SPINK14: variants seen among roughly 807,000 people sequenced by gnomAD.
The protein encoded by SPINK14 is serine peptidase inhibitor Kazal type 14 (putative), also known as serine protease inhibitor Kazal-type 14.
A neutral mutation model predicts 14.2 loss-of-function variants in SPINK14; 6 were observed. The ratio of observed to expected loss-of-function variants is 0.42; its 90% CI spans 0.23 to 0.83. The LOEUF (loss-of-function observed/expected upper bound fraction) is 0.83. Ranked by LOEUF, SPINK14 falls within the 40% of genes least tolerant of loss-of-function variation. The probability of loss-of-function intolerance (pLI) is 0.28; values close to 1 mark genes in which losing one functional copy is unlikely to be tolerated. For synonymous variants in SPINK14, 34 were observed against 36.8 expected (o/e 0.92, Z 0.27); for missense variants, 86 against 108.3 (o/e 0.79, Z 0.91).
In SPINK14 at chr5:148,174,041, G is replaced by A. The variant is rs1314783566; in HGVS notation, c.112-193G>A. On this transcript the variant is annotated intron_variant, in intron 3 of 4. Transcript: ENST00000356972. Reference sequence around the variant, plus strand: ...AAAAAAACTGGAGAGACAGGGTATCGCTCTGTTGCCTAGGCTGATCTTGAA... The same window carrying A: ...AAAAAAACTGGAGAGACAGGGTATCACTCTGTTGCCTAGGCTGATCTTGAA... 3.4e-5 allele frequency among the ~76,000 whole-genome samples: 3 copies of A among 89,456 alleles called. 1 individual carries two copies. The highest frequency in any genetic ancestry group is 7.0e-5 in the Non-Finnish European group (3 of 42,988). The allele number at this position is 89,456 out of a possible 152,430, so 58.7% of individuals were successfully genotyped here.
intron 2 of SPINK14, 67 bp from the exon 3 acceptor site, chr5:148,170,863 C>A (rs1755095379): frequency 1.4e-6 from 2 of 1,407,500 alleles, no homozygotes; most frequent in Non-Finnish European, 2.0e-6. Flanking sequence ...CTCGTTTATT[C>A]TGCCAACAGA....
Position 148,169,691 on chromosome 5 carries a change from A to G in SPINK14, c.-42A>G. The stretch of plus-strand genomic sequence containing the variant: ...GTATTAGAGGGCAACAACCTGAGAC[A>G]ATATTTCAGAGCATCATTCCAAGGA... On this transcript the variant is annotated 5_prime_UTR_variant, in exon 2 of 5. Transcript: ENST00000356972. 1.3e-6 allele frequency: 2 copies of G among 1,533,314 alleles called. No homozygotes were observed. Among genetic ancestry groups the G allele is most frequent in the South Asian group, 1.1e-5 (1 of 87,980 alleles). 95.0% of individuals were successfully genotyped at this position (1,533,314 alleles called of 1,614,324 possible).
In SPINK14 at chr5:148,175,460, C is replaced by A; in HGVS notation, c.*62C>A. 2 of 1,232,676 alleles carry A rather than the reference C, an allele frequency of 1.6e-6. No homozygotes were observed. Among genetic ancestry groups the A allele is most frequent in the Non-Finnish European group, 2.4e-6 (2 of 844,918 alleles). 76.4% of individuals were successfully genotyped at this position (1,232,676 alleles called of 1,614,324 possible). On this transcript the variant is annotated 3_prime_UTR_variant, in exon 5 of 5. Transcript: ENST00000356972. ...TTTTTCCTCCATGTCTCCAATCTCC[C>A]TCTTGCGCTTTTTACATCTCCTTGC...
chr5:148,172,206 G>C (rs1755114324), intron 3 of SPINK14, among the ~76,000 whole-genome samples: 1 of 152,118 alleles, frequency 6.6e-6, no homozygotes, highest in Non-Finnish European at 1.5e-5. Context: ...GATATCTAAG[G>C]TGAGACTTGA....
intron 3 of SPINK14, among the ~76,000 whole-genome samples, chr5:148,172,158 A>T (rs1755113724): frequency 6.6e-6 from 1 of 152,130 alleles, no homozygotes; most frequent in African/African-American, 2.4e-5. Context: ...GATAACTACT[A>T]TAAACAATGG....
intron 3 of SPINK14, among the ~76,000 whole-genome samples, chr5:148,172,386 AAG>A (rs370620148): frequency 5.9e-5 from 9 of 151,504 alleles, no homozygotes; most frequent in African/African-American, 9.7e-5. Flanking sequence ...ACTTCCTCCA[AAG>A]AGAGAGAGAG....
Position 148,174,229 on chromosome 5 carries a change from T to G in SPINK14, c.112-5T>G, listed in dbSNP as rs1267041012. ...ACTGGATAAATCTTTTCAACTCAAT[T>G]TCAGGTGAAATGTCCATATGAGAAA... is the stretch of plus-strand genomic sequence containing the variant. On this transcript the variant is annotated splice_region_variant and splice_polypyrimidine_tract_variant and intron_variant, in intron 3 of 4. Coordinates refer to ENST00000356972, the MANE Select transcript of SPINK14 (RefSeq NM_001001325.2). 2 of 1,111,734 alleles carry G rather than the reference T, an allele frequency of 1.8e-6. 1 individual carries two copies. Among genetic ancestry groups the G allele is most frequent in the African/African-American group, 4.5e-5 (2 of 44,530 alleles). 68.9% of individuals were successfully genotyped at this position (1,111,734 alleles called of 1,614,324 possible).
chr5:148,175,070 A>T lies in SPINK14; in HGVS notation c.249-283A>T, dbSNP rs1755150281. On this transcript the variant is annotated intron_variant, in intron 4 of 4. Coordinates refer to ENST00000356972, the MANE Select transcript of SPINK14 (RefSeq NM_001001325.2). ...GTATTAACAGAATAGTTGAGGATTGACATGCCTCACACATCACAAACTCGG... is the reference window on the plus strand; with the variant it reads ...GTATTAACAGAATAGTTGAGGATTGTCATGCCTCACACATCACAAACTCGG... 6.1e-5 allele frequency among the ~76,000 whole-genome samples: 2 copies of T among 32,582 alleles called. 1 individual carries two copies. The highest frequency in any genetic ancestry group is 1.4e-4 in the Non-Finnish European group (2 of 14,492). 21.4% of individuals were successfully genotyped at this position (32,582 alleles called of 152,430 possible).
intron 2 of SPINK14, among the ~76,000 whole-genome samples, chr5:148,170,306 C>T (rs1443781324): frequency 6.6e-6 from 1 of 151,510 alleles, no homozygotes; most frequent in African/African-American, 2.4e-5. Context: ...CTCATGAGGG[C>T]AAGGAGGCTT....
intron 3 of SPINK14, among the ~76,000 whole-genome samples, chr5:148,172,086 T>C (rs1046082687): frequency 1.3e-5 from 2 of 152,170 alleles, no homozygotes; most frequent in Non-Finnish European, 2.9e-5. Context: ...CTATGATTTA[T>C]GGTAAATTTT....
In SPINK14 at chr5:148,175,296, T is replaced by C; in HGVS notation, c.249-57T>C. On this transcript the variant is annotated intron_variant, in intron 4 of 4. Coordinates refer to ENST00000356972, the MANE Select transcript of SPINK14 (RefSeq NM_001001325.2). The stretch of plus-strand genomic sequence containing the variant: ...TTAGATAGATAATTTTAAAAGTATT[T>C]GTTTAGTTCTGACATTGTATTACTA... 5 of 1,077,060 alleles carry C rather than the reference T, an allele frequency of 4.6e-6. No individual in the cohort carries two copies. In the South Asian group the frequency reaches 7.1e-5, roughly 15 times the overall value. The allele number at this position is 1,077,060 out of a possible 1,614,324, so 66.7% of individuals were successfully genotyped here.
At chr5:148,171,777 T>C (rs1001355724) in intron 3 of SPINK14, among the ~76,000 whole-genome samples, 3 of 152,110 alleles carry the variant, frequency 2.0e-5, no homozygotes, top group African/African-American at 7.2e-5. Flanking sequence ...GGGACCAGAA[T>C]GTGAAGCTTG....
intron 2 of SPINK14, 64 bp from the exon 3 acceptor site, chr5:148,170,866 C>A (rs368626991): frequency 2.1e-6 from 3 of 1,417,952 alleles, no homozygotes; most frequent in Non-Finnish European, 2.0e-6. Context: ...GTTTATTCTG[C>A]CAACAGATTA....
chr5:148,171,622 A>G (rs993403762), intron 3 of SPINK14, among the ~76,000 whole-genome samples: 2 of 152,286 alleles, frequency 1.3e-5, no homozygotes, highest in East Asian at 3.9e-4. Context: ...GCATCACTGT[A>G]TTCCTTCCCT....
intron 3 of SPINK14, among the ~76,000 whole-genome samples, chr5:148,171,783 G>A (rs9325081): frequency 0.1 from 15,641 of 152,124 alleles, 1,603 homozygotes; most frequent in African/African-American, 0.26. Flanking sequence ...AGAATGTGAA[G>A]CTTGTCAGAG....
rs149833853 is a variant in SPINK14, at chr5:148,170,957, C to T, written c.95C>T (p.Pro32Leu). The change falls in exon 3 of 5, where the codon CCA (proline) becomes CTA (leucine). Residue 32 changes from proline (P) to leucine (L), a missense_variant. Transcript: ENST00000356972. ...TCAGGCCCTAGACACTGGTGGCCAC[C>T]ACGTGGAATTATTAAGGTAATGTTC... The part of the protein sequence containing the change: ...SVSGPRHWWP[P>L]RGIIKVKCPY... The T allele has an allele frequency of 2.5e-5, 40 of 1,612,292 alleles. No individual in the cohort carries two copies. In the African/African-American group the frequency reaches 3.7e-4, roughly 15 times the overall value.
chr5:148,175,291 G>T (rs139555575), intron 4 of SPINK14, 62 bp from the exon 5 acceptor site: 3 of 1,057,682 alleles, frequency 2.8e-6, no homozygotes, highest in East Asian at 2.6e-5. Context: ...AATTTTAAAA[G>T]TATTTGTTTA....
rs1170663029 is a variant in SPINK14 at position 148,169,767 on chromosome 5, C to A, written c.35C>A (p.Ser12Tyr). 2.5e-6 allele frequency: 4 copies of A among 1,609,328 alleles called. No individual in the cohort carries two copies. In the African/African-American group the frequency reaches 4.0e-5, roughly 16 times the overall value. ...TCTTTCCCAGTATTCTCACTTTTGT[C>A]CTTTATCTTGATACATTTGGTGTTA... ...AKSFPVFSLL[S>Y]FILIHLVLSS... The change falls in exon 2 of 5, where the codon TCC becomes TAC. Residue 12 changes from serine (S) to tyrosine (Y), a missense_variant. By Grantham distance (144) the Ser-to-Tyr change is moderately radical. Transcript: ENST00000356972.
In SPINK14 at chr5:148,175,378, T is replaced by C; in HGVS notation, c.274T>C (p.Tyr92His). ...GAAATCTCATGGAAGAATCAGGTTTTACCATGATGGAAAATGTTAGCTGAG... is the reference window on the plus strand; with the variant it reads ...GAAATCTCATGGAAGAATCAGGTTTCACCATGATGGAAAATGTTAGCTGAG... ...SLKSHGRIRF[Y>H]HDGKC Residue 92 changes from tyrosine (Y) to histidine (H), a missense_variant, in exon 5 of 5, where the codon TAC (tyrosine) becomes CAC (histidine). Physicochemically the swap from Tyr to His is moderately conservative, Grantham distance 83. Transcript: ENST00000356972. 1.9e-6 allele frequency: 3 copies of C among 1,606,316 alleles called. No individual in the cohort carries two copies. Among genetic ancestry groups the C allele is most frequent in the Non-Finnish European group, 2.6e-6 (3 of 1,174,944 alleles).
Sources: gnomAD v4.1 joint callset for allele counts (sites outside exome capture counted in the v4.1 genomes callset) on GRCh38, gnomAD v4.1.1 for gene constraint, MANE v1.5 for transcripts, NCBI Gene and HGNC (gene_info 2026-07-23, HGNC 2026-07-21) for gene names.